Variants in STPG2 observed in about 807,000 individuals in gnomAD.
STPG2 encodes sperm tail PG-rich repeat containing 2, also known as sperm-tail PG-rich repeat-containing protein 2.
In STPG2, 56 loss-of-function variants were observed where a neutral mutation model predicts 54.2. That is an observed-to-expected ratio of 1.03 (90% CI 0.83 to 1.29). STPG2 has a LOEUF of 1.29. Among genes scored for constraint, STPG2 ranks in the 50% most tolerant of loss-of-function variants. The pLI, the probability that STPG2 is intolerant of heterozygous loss-of-function variation, is 0.00. For synonymous variants in STPG2, 200 were observed against 181.8 expected (o/e 1.10, Z -0.81); for missense variants, 596 against 544.9 (o/e 1.09, Z -0.93).
At chr4:97,880,002 T>G (rs1730312556) in intron 8 of STPG2, among the ~76,000 whole-genome samples, 1 of 152,212 alleles carries the variant, frequency 6.6e-6, no homozygotes, top group Non-Finnish European at 1.5e-5. Context: ...TGCATGCCCA[T>G]GCTTTTTGCA....
intron 10 of STPG2, among the ~76,000 whole-genome samples, chr4:97,612,181 AT>A (rs1733747189): frequency 6.6e-6 from 1 of 151,660 alleles, no homozygotes; most frequent in South Asian, 2.1e-4. Context: ...GAATGGCATC[AT>A]TATTTATCCC....
intron 9 of STPG2, among the ~76,000 whole-genome samples, chr4:97,775,418 TA>T (rs1396578719): frequency 6.6e-6 from 1 of 151,956 alleles, no homozygotes; most frequent in African/African-American, 2.4e-5. Context: ...AGTATAATTT[TA>T]AAAAATGCAA....
At chr4:97,685,865 A>C (rs1416782567) in intron 10 of STPG2, among the ~76,000 whole-genome samples, 1 of 152,200 alleles carries the variant, frequency 6.6e-6, no homozygotes, top group Non-Finnish European at 1.5e-5. Flanking sequence ...CCATTTTTGT[A>C]AAAAGGCAAG....
chr4:98,027,303 T>C (rs1736454188), intron 5 of STPG2, among the ~76,000 whole-genome samples: 1 of 152,248 alleles, frequency 6.6e-6, no homozygotes, highest in African/African-American at 2.4e-5. Flanking sequence ...GGGATATAAT[T>C]CTACCACAGT....
intron 4 of STPG2, among the ~76,000 whole-genome samples, chr4:97,525,749 C>G (rs113801414): frequency 6.6e-6 from 1 of 151,742 alleles, no homozygotes; most frequent in Non-Finnish European, 1.5e-5. Flanking sequence ...ATTAAAGGAA[C>G]AATTCTAAGT....
At chr4:97,490,614 A>G (rs564868485) in intron 4 of STPG2, among the ~76,000 whole-genome samples, 2 of 151,742 alleles carry the variant, frequency 1.3e-5, no homozygotes, top group South Asian at 2.1e-4. Flanking sequence ...TTTCACTGTT[A>G]TAATTGAAGT....
At chr4:97,481,062 T>C (rs560911060) in intron 4 of STPG2, among the ~76,000 whole-genome samples, 36 of 151,676 alleles carry the variant, frequency 2.4e-4, no homozygotes, top group African/African-American at 8.4e-4. Flanking sequence ...CTATTTCAAG[T>C]TTAATTGTTT....
At chr4:98,007,887 T>C (rs1179868178) in intron 5 of STPG2, among the ~76,000 whole-genome samples, 1 of 151,890 alleles carries the variant, frequency 6.6e-6, no homozygotes, top group Non-Finnish European at 1.5e-5. Flanking sequence ...TGAAGACAGG[T>C]CTTTTGAATT....
intron 10 of STPG2, among the ~76,000 whole-genome samples, chr4:97,581,121 T>A (rs901175356): frequency 6.6e-6 from 1 of 152,102 alleles, no homozygotes; most frequent in East Asian, 1.9e-4. Flanking sequence ...GCTATTTCCA[T>A]TTCAATGAAT....
intron 7 of STPG2, among the ~76,000 whole-genome samples, chr4:97,947,755 C>A (rs1392652398): frequency 2.0e-5 from 3 of 151,850 alleles, no homozygotes; most frequent in Non-Finnish European, 4.4e-5. Flanking sequence ...GAATGAAGCC[C>A]ACTTGTTCAT....
At chr4:97,795,667 C>T (rs1283136466) in intron 9 of STPG2, among the ~76,000 whole-genome samples, 1 of 152,142 alleles carries the variant, frequency 6.6e-6, no homozygotes. Context: ...CATATGTGTG[C>T]ATGTGTCTTT....
At chr4:97,481,258 T>C (rs1223163914) in intron 4 of STPG2, among the ~76,000 whole-genome samples, 1 of 151,586 alleles carries the variant, frequency 6.6e-6, no homozygotes, top group Non-Finnish European at 1.5e-5. Flanking sequence ...TCTACGTGTA[T>C]TCAAACTATT....
chr4:97,928,809 A>G (rs188527532), intron 8 of STPG2, among the ~76,000 whole-genome samples: 3 of 152,258 alleles, frequency 2.0e-5, no homozygotes, highest in Admixed American at 1.3e-4. Context: ...TAAGGTTTAT[A>G]AAGTTTATAT....
At chr4:97,777,069 A>C (rs1226240611) in intron 9 of STPG2, among the ~76,000 whole-genome samples, 1 of 152,194 alleles carries the variant, frequency 6.6e-6, no homozygotes. Context: ...CAAATATATT[A>C]GGTTGTGATG....
At chr4:97,587,017 G>A (rs1023014247) in intron 10 of STPG2, among the ~76,000 whole-genome samples, 3 of 151,768 alleles carry the variant, frequency 2.0e-5, no homozygotes. Context: ...CTTATGTATG[G>A]CAATTATCAA....
chr4:97,790,955 T>C (rs372195436), intron 9 of STPG2, among the ~76,000 whole-genome samples: 17 of 152,208 alleles, frequency 1.1e-4, no homozygotes, highest in African/African-American at 3.9e-4. Context: ...TAGCATTCAG[T>C]TTTTCAGCAT....
intron 4 of STPG2, among the ~76,000 whole-genome samples, chr4:97,552,325 A>G (rs1731983401): frequency 6.6e-6 from 1 of 152,082 alleles, no homozygotes; most frequent in African/African-American, 2.4e-5. Flanking sequence ...TAGTTCTTAC[A>G]TAGGATAAGT....
intron 5 of STPG2, among the ~76,000 whole-genome samples, chr4:98,018,469 A>C (rs1433125075): frequency 6.6e-6 from 1 of 152,224 alleles, no homozygotes; most frequent in Non-Finnish European, 1.5e-5. Flanking sequence ...GTAGTGCCAC[A>C]ATAAACATAC....
chr4:97,450,789 T>C (rs964030695), intron 4 of STPG2, among the ~76,000 whole-genome samples: 10 of 152,152 alleles, frequency 6.6e-5, no homozygotes, highest in African/African-American at 2.4e-4. Context: ...TATTACAAAG[T>C]TTTTAAGATA....
Sources: gnomAD v4.1 joint callset for allele counts (sites outside exome capture counted in the v4.1 genomes callset) on GRCh38, gnomAD v4.1.1 for gene constraint, MANE v1.5 for transcripts, NCBI Gene and HGNC (gene_info 2026-07-23, HGNC 2026-07-21) for gene names.